SEMA3A: variants seen among roughly 807,000 people sequenced by gnomAD.
SEMA3A encodes semaphorin 3A.
In SEMA3A, 29 loss-of-function variants were observed where a neutral mutation model predicts 97.9. The observed-to-expected ratio is 0.30, with a 90% CI of 0.22 to 0.40. The LOEUF (loss-of-function observed/expected upper bound fraction) is 0.40, where lower values mean the gene tolerates loss of function less well. Ranked by LOEUF, SEMA3A falls within the 10% of genes least tolerant of loss-of-function variation. SEMA3A has a pLI of 1.00. For missense variants in SEMA3A, 763 were observed against 951.3 expected, an observed-to-expected ratio of 0.80 and a Z score of 2.60; for synonymous variants, 321 against 323.7, an observed-to-expected ratio of 0.99 and a Z score of 0.09.
chr7:84,328,097 T>C (rs1382253702), intron 2 of SEMA3A, among the ~76,000 whole-genome samples: 5 of 151,998 alleles, frequency 3.3e-5, no homozygotes, highest in Admixed American at 6.6e-5. Context: ...TTGGAGTGCA[T>C]ATAATTTCTT....
intron 3 of SEMA3A, among the ~76,000 whole-genome samples, chr7:84,274,290 GTTC>G (rs1800234782): frequency 6.6e-6 from 1 of 152,058 alleles, no homozygotes; most frequent in Admixed American, 6.6e-5. Context: ...GCTGCCTCCT[GTTC>G]TTCTGCCTTT....
chr7:84,063,497 A>C (rs897125444), intron 4 of SEMA3A, among the ~76,000 whole-genome samples: 2 of 150,802 alleles, frequency 1.3e-5, no homozygotes, highest in Non-Finnish European at 3.0e-5. Flanking sequence ...TTCAAACCAA[A>C]GGCAAAGAAG....
chr7:84,031,252 A>G (rs555195348), intron 6 of SEMA3A, among the ~76,000 whole-genome samples: 1 of 151,878 alleles, frequency 6.6e-6, no homozygotes, highest in African/African-American at 2.4e-5. Context: ...CAGCCTCCCA[A>G]ATTGCTGGGA....
intron 1 of SEMA3A, among the ~76,000 whole-genome samples, chr7:84,379,163 A>G (rs908447628): frequency 6.6e-6 from 1 of 152,054 alleles, no homozygotes; most frequent in East Asian, 1.9e-4. Context: ...TCCTGACCTC[A>G]TGATCCGCCT....
chr7:84,454,924 A>G (rs1021726607), intron 1 of SEMA3A, among the ~76,000 whole-genome samples: 1 of 151,992 alleles, frequency 6.6e-6, no homozygotes, highest in African/African-American at 2.4e-5. Context: ...TATATTAACA[A>G]GTAGCACCTC....
chr7:84,374,443 A>T (rs1166906276), intron 1 of SEMA3A, among the ~76,000 whole-genome samples: 4 of 152,188 alleles, frequency 2.6e-5, no homozygotes, highest in Admixed American at 2.6e-4. Context: ...TCTTTCATAC[A>T]CTTACATTTT....
intron 2 of SEMA3A, among the ~76,000 whole-genome samples, chr7:84,335,779 A>C (rs1415317185): frequency 6.6e-6 from 1 of 152,158 alleles, no homozygotes; most frequent in Non-Finnish European, 1.5e-5. Flanking sequence ...AATGTGGGCT[A>C]CATATTTAAT....
intron 1 of SEMA3A, among the ~76,000 whole-genome samples, chr7:84,471,794 G>A (rs1584348597): frequency 6.6e-6 from 1 of 152,036 alleles, no homozygotes; most frequent in African/African-American, 2.4e-5. Context: ...GGTTTCTAGG[G>A]AAACATACTT....
At chr7:83,992,655 C>T (rs1790011465) in intron 12 of SEMA3A, among the ~76,000 whole-genome samples, 1 of 151,340 alleles carries the variant, frequency 6.6e-6, no homozygotes, top group Non-Finnish European at 1.5e-5. Flanking sequence ...ATCCTGAGTT[C>T]TAGTTTGATT....
intron 4 of SEMA3A, among the ~76,000 whole-genome samples, chr7:84,066,279 T>G (rs2115725825): frequency 6.6e-6 from 1 of 152,190 alleles, no homozygotes; most frequent in African/African-American, 2.4e-5. Flanking sequence ...TTCAAAATAA[T>G]AAGAGCTATC....
chr7:84,117,737 C>T (rs552488628), intron 3 of SEMA3A, among the ~76,000 whole-genome samples: 99 of 152,196 alleles, frequency 6.5e-4, no homozygotes, highest in African/African-American at 2.1e-3. Flanking sequence ...AACCAGTCCC[C>T]GGTGCCAAAA....
chr7:84,459,889 T>C (rs1362792938), intron 1 of SEMA3A, among the ~76,000 whole-genome samples: 3 of 151,936 alleles, frequency 2.0e-5, no homozygotes, highest in Admixed American at 6.6e-5. Flanking sequence ...TAGCCAGACA[T>C]GGTGGCGCAT....
intron 4 of SEMA3A, among the ~76,000 whole-genome samples, chr7:84,075,909 A>G (rs1485858265): frequency 6.6e-6 from 1 of 152,208 alleles, no homozygotes; most frequent in Non-Finnish European, 1.5e-5. Context: ...TAAAAATATT[A>G]TGGTTTATCA....
intron 3 of SEMA3A, among the ~76,000 whole-genome samples, chr7:84,259,679 G>A (rs1231138358): frequency 2.6e-5 from 4 of 152,040 alleles, no homozygotes; most frequent in Admixed American, 6.6e-5. Flanking sequence ...AAGATTAAAC[G>A]TTGCCCAGGA....
At chr7:84,358,826 G>C (rs1802638234) in intron 2 of SEMA3A, among the ~76,000 whole-genome samples, 1 of 152,116 alleles carries the variant, frequency 6.6e-6, no homozygotes. Flanking sequence ...ACAGTGGTTT[G>C]TAGTTCTCCT....
Position 84,437,068 on chromosome 7 carries a change from G to T in SEMA3A, c.-246+55392C>A, listed in dbSNP as rs75737470. 5.8e-3 allele frequency among the ~76,000 whole-genome samples: 886 copies of T among 152,134 alleles called. 11 individuals carry two copies. Among genetic ancestry groups the T allele is most frequent in the African/African-American group, 0.02 (833 of 41,526 alleles). On this transcript the variant is annotated intron_variant, in intron 1 of 3. Coordinates refer to the SEMA3A transcript ENST00000424555. ...TGCCACCTAAAACAGCTTCTCAACT[G>T]TATGTATTTTTGATGTATCATCCTT...
intron 3 of SEMA3A, among the ~76,000 whole-genome samples, chr7:84,126,247 C>T (rs1283736493): frequency 6.6e-6 from 1 of 151,982 alleles, no homozygotes. Flanking sequence ...ACTCTGTCAC[C>T]CAGGCTGGAG....
intron 1 of SEMA3A, among the ~76,000 whole-genome samples, chr7:84,157,566 T>C (rs1314330654): frequency 6.6e-6 from 1 of 152,166 alleles, no homozygotes; most frequent in Admixed American, 6.5e-5. Flanking sequence ...CATATGAAAA[T>C]AGTGCTGGAG....
intron 6 of SEMA3A, among the ~76,000 whole-genome samples, chr7:84,015,300 G>C (rs368824361): frequency 6.6e-6 from 1 of 152,040 alleles, no homozygotes; most frequent in Non-Finnish European, 1.5e-5. Flanking sequence ...AGCTTAAAAC[G>C]TGATAGGCAG....
Sources: gnomAD v4.1 joint callset for allele counts (sites outside exome capture counted in the v4.1 genomes callset) on GRCh38, gnomAD v4.1.1 for gene constraint, MANE v1.5 for transcripts, NCBI Gene and HGNC (gene_info 2026-07-23, HGNC 2026-07-21) for gene names.